SLC17A1: variants seen among roughly 807,000 people sequenced by gnomAD.
SLC17A1 encodes the protein solute carrier family 17 member 1, also known as sodium-dependent phosphate transport protein 1.
Under a neutral mutation model 53.5 loss-of-function variants are expected in SLC17A1, and 51 were observed. The ratio of observed to expected loss-of-function variants is 0.95; its 90% CI spans 0.76 to 1.20. SLC17A1 has a LOEUF of 1.20. SLC17A1 is among the 50% of genes most tolerant of loss of function. The pLI is 0.00. For missense variants in SLC17A1, 538 were observed against 568.2 expected (o/e 0.95, Z 0.54); for synonymous variants, 179 against 198.8 (o/e 0.90, Z 0.84).
the SLC17A1 span, chr6:25,732,047 A>G: frequency 7.5e-7 from 1 of 1,328,704 alleles, no homozygotes; most frequent in African/African-American, 1.5e-5. Context: ...AGATGTAAAT[A>G]GAATAGCTCT....
the SLC17A1 span, chr6:25,726,811 A>T: frequency 1.3e-4 from 177 of 1,407,198 alleles, no homozygotes; most frequent in Non-Finnish European, 1.6e-4. Flanking sequence ...AGCTGAGGTC[A>T]TTTGGAGCTG....
the SLC17A1 span, chr6:25,776,574 G>T: frequency 1.9e-6 from 3 of 1,584,740 alleles, no homozygotes; most frequent in Non-Finnish European, 2.6e-6. Context: ...ACATGCACCT[G>T]ACCTAGTCTC....
chr6:25,750,633 C>CAGAGAG, the SLC17A1 span, among the ~76,000 whole-genome samples: 1,190 of 145,712 alleles, frequency 8.2e-3, 22 homozygotes, highest in East Asian at 0.038. Context: ...TAACCCATGT[C>CAGAGAG]AGAGAGAGAG....
At chr6:25,753,598 T>C in the SLC17A1 span, among the ~76,000 whole-genome samples, 324 of 152,268 alleles carry the variant, frequency 2.1e-3, 1 homozygote, top group African/African-American at 7.3e-3. Context: ...GTGGAACTGA[T>C]AGAACATACT....
chr6:25,757,990 T>C, the SLC17A1 span, among the ~76,000 whole-genome samples: 4 of 152,198 alleles, frequency 2.6e-5, no homozygotes, highest in Non-Finnish European at 4.4e-5. Context: ...CATCCGTATC[T>C]GGTTCACAAG....
At chr6:25,790,868 C>T (rs1266389233) in intron 12 of SLC17A1, among the ~76,000 whole-genome samples, 4 of 152,014 alleles carry the variant, frequency 2.6e-5, no homozygotes, top group Non-Finnish European at 5.9e-5. Flanking sequence ...ATCATCTACC[C>T]GAAAACACAA....
chr6:25,779,415 C>T, downstream of SLC17A1: 1 of 484,666 alleles, frequency 2.1e-6, no homozygotes, highest in Non-Finnish European at 3.6e-6. Flanking sequence ...GTGTTCTCCA[C>T]TCTTCCACTG....
chr6:25,754,986 C>CT, the SLC17A1 span, among the ~76,000 whole-genome samples: 382 of 150,212 alleles, frequency 2.5e-3, 2 homozygotes, highest in African/African-American at 8.7e-3. Flanking sequence ...GGAATTAATT[C>CT]AAGAGAATGA....
chr6:25,725,981 A>T, the SLC17A1 span: 4 of 700,916 alleles, frequency 5.7e-6, no homozygotes, highest in East Asian at 2.5e-5. Context: ...AAATGCGCTT[A>T]AACGGGCATT....
At chr6:25,754,182 C>T in the SLC17A1 span, among the ~76,000 whole-genome samples, 1 of 151,952 alleles carries the variant, frequency 6.6e-6, no homozygotes, top group South Asian at 2.1e-4. Flanking sequence ...AGGTGGGGAA[C>T]CAGAATGCAA....
At chr6:25,818,746 A>G (rs886782362) in intron 6 of SLC17A1, among the ~76,000 whole-genome samples, 1 of 152,232 alleles carries the variant, frequency 6.6e-6, no homozygotes, top group Non-Finnish European at 1.5e-5. Flanking sequence ...TGTTAAGTAT[A>G]AAAAGTAACA....
the SLC17A1 span, among the ~76,000 whole-genome samples, chr6:25,725,851 G>C: frequency 6.6e-6 from 1 of 152,082 alleles, no homozygotes; most frequent in Non-Finnish European, 1.5e-5. Context: ...CCACTGAAGT[G>C]CAAGTACTGA....
chr6:25,726,480 C>T, the SLC17A1 span: 7 of 1,613,532 alleles, frequency 4.3e-6, no homozygotes, highest in African/African-American at 5.3e-5. Context: ...AAGAGCGAGA[C>T]TTAGACTTGG....
the SLC17A1 span, chr6:25,777,876 T>A: frequency 6.7e-7 from 1 of 1,502,056 alleles, no homozygotes; most frequent in South Asian, 1.1e-5. Flanking sequence ...ATTGAGACTT[T>A]CAAACGTAGG....
chr6:25,784,060 T>C lies in SLC17A1; in HGVS notation c.*3-842A>G, dbSNP rs534026904. On this transcript the variant is annotated intron_variant, in intron 12 of 12. Transcript: ENST00000244527. Reference sequence around the variant, plus strand: ...GAGGAAGGCACACACTATCTTTCCTTTGTATTGAAAATTTTTTCTTCCTTT... The same window carrying C: ...GAGGAAGGCACACACTATCTTTCCTCTGTATTGAAAATTTTTTCTTCCTTT... 1.6e-4 allele frequency among the ~76,000 whole-genome samples: 25 copies of C among 152,248 alleles called. 1 individual carries two copies. The highest frequency in any genetic ancestry group is 3.2e-4 in the Non-Finnish European group (22 of 68,018).
At chr6:25,801,578 T>C (rs892969373) in intron 10 of SLC17A1, among the ~76,000 whole-genome samples, 8 of 152,190 alleles carry the variant, frequency 5.3e-5, no homozygotes, top group African/African-American at 1.7e-4. Context: ...GCAGAATCAG[T>C]GTCTAATCAA....
chr6:25,726,518 G>A, the SLC17A1 span: 28 of 1,608,062 alleles, frequency 1.7e-5, no homozygotes, highest in East Asian at 2.2e-5. Context: ...TGCTTCCCTC[G>A]TCCAGACATC....
chr6:25,801,221 T>G (rs1168491397), intron 10 of SLC17A1, among the ~76,000 whole-genome samples: 1 of 152,216 alleles, frequency 6.6e-6, no homozygotes, highest in Non-Finnish European at 1.5e-5. Flanking sequence ...GGGATTATAT[T>G]TAGAGTGAAA....
Position 25,808,160 on chromosome 6 carries a change from T to C in SLC17A1, c.1178+3238A>G, listed in dbSNP as rs2151488315. 1.3e-5 allele frequency among the ~76,000 whole-genome samples: 2 copies of C among 152,226 alleles called. 1 individual carries two copies. Among genetic ancestry groups the C allele is most frequent in the Middle Eastern group, 6.8e-3 (2 of 294 alleles). ...TTTTGTTTTTTAATTATGGCCATTC[T>C]TGCAGGAGTAAGGTGGTATCACATT... On this transcript the variant is annotated intron_variant, in intron 10 of 12. Transcript: ENST00000244527.
Sources: allele counts gnomAD v4.1 joint callset (sites outside exome capture counted in the v4.1 genomes callset), GRCh38; gene constraint gnomAD v4.1.1; transcripts MANE v1.5; gene names NCBI Gene and HGNC (gene_info 2026-07-23, HGNC 2026-07-21).